Variants in UTRN observed in about 807,000 individuals in gnomAD.
The protein encoded by UTRN is utrophin.
In UTRN, 283 loss-of-function variants were observed where a neutral mutation model predicts 463.9. The observed-to-expected ratio is 0.61, with a 90% CI of 0.55 to 0.67. The LOEUF is 0.67. Ranked by LOEUF, UTRN falls within the 30% of genes least tolerant of loss-of-function variation. The pLI, the probability that UTRN is intolerant of heterozygous loss-of-function variation, is 0.00. For missense variants in UTRN, 3,922 were observed against 4,084.3 expected, an observed-to-expected ratio of 0.96 and a Z score of 1.08; for synonymous variants, 1,442 against 1,431.5, an observed-to-expected ratio of 1.01 and a Z score of -0.17.
chr6:144,646,195 GA>G (rs1778285520), intron 51 of UTRN, among the ~76,000 whole-genome samples: 1 of 152,006 alleles, frequency 6.6e-6, no homozygotes, highest in Non-Finnish European at 1.5e-5. Flanking sequence ...TATTCGGCTT[GA>G]AAAGTTATTG....
intron 58 of UTRN, among the ~76,000 whole-genome samples, chr6:144,770,924 C>T (rs1335160870): frequency 6.6e-6 from 1 of 152,048 alleles, no homozygotes; most frequent in Non-Finnish European, 1.5e-5. Flanking sequence ...GAAAGTTCGA[C>T]TCAAGGTAGA....
intron 37 of UTRN, 47 bp downstream of exon 37, chr6:144,514,867 T>C: frequency 1.3e-6 from 2 of 1,563,306 alleles, no homozygotes; most frequent in Non-Finnish European, 1.7e-6. Flanking sequence ...TATGGGTATG[T>C]ATCTAAATGA....
At chr6:144,661,896 T>A (rs996562528) in intron 51 of UTRN, among the ~76,000 whole-genome samples, 1 of 152,200 alleles carries the variant, frequency 6.6e-6, no homozygotes, top group Non-Finnish European at 1.5e-5. Flanking sequence ...TTAACTCCCA[T>A]GTCTTAGTAT....
chr6:144,497,788 A>G (rs1793803996), intron 33 of UTRN, among the ~76,000 whole-genome samples: 3 of 152,138 alleles, frequency 2.0e-5, no homozygotes, highest in South Asian at 4.1e-4. Flanking sequence ...GGGTACTCAC[A>G]TGATTATTCA....
intron 2 of UTRN, among the ~76,000 whole-genome samples, chr6:144,369,966 C>G (rs1468725585): frequency 6.6e-6 from 1 of 152,186 alleles, no homozygotes; most frequent in Non-Finnish European, 1.5e-5. Context: ...CATTAAACCT[C>G]TTTTTCTTTA....
Position 144,539,382 on chromosome 6 carries a change from G to A in UTRN, c.6458G>A (p.Ser2153Asn). Reference protein sequence around the residue: ...ELEMLSDKSLSLPERDKISES... With the variant: ...ELEMLSDKSLNLPERDKISES... ...GAGATGCTTTCAGATAAAAGTCTGA[G>A]TTTACCTGAAAGGGATAAAATTTCA... The change falls in exon 45 of 75, where the codon AGT becomes AAT. Residue 2153 changes from serine (S) to asparagine (N), a missense_variant. Coordinates refer to ENST00000367545, the MANE Select transcript of UTRN (RefSeq NM_007124.3). The A allele has an allele frequency of 1.2e-6, 2 of 1,613,392 alleles. No individual in the cohort carries two copies. Among genetic ancestry groups the A allele is most frequent in the Non-Finnish European group, 1.7e-6 (2 of 1,179,660 alleles).
At chr6:144,342,887 C>G (rs1777252857) in intron 2 of UTRN, among the ~76,000 whole-genome samples, 1 of 152,144 alleles carries the variant, frequency 6.6e-6, no homozygotes, top group East Asian at 1.9e-4. Context: ...ATCTGTATCA[C>G]TGTGCTTTTC....
chr6:144,650,358 G>C (rs1585781492), intron 51 of UTRN, among the ~76,000 whole-genome samples: 1 of 152,178 alleles, frequency 6.6e-6, no homozygotes, highest in Non-Finnish European at 1.5e-5. Flanking sequence ...AAAATATTAA[G>C]ATATTTTGAT....
chr6:144,587,939 A>C (rs938662080), intron 51 of UTRN, among the ~76,000 whole-genome samples: 2 of 152,112 alleles, frequency 1.3e-5, no homozygotes, highest in African/African-American at 4.8e-5. Context: ...AGTCTTGGTT[A>C]GATTAGTACA....
chr6:144,308,765 C>T (rs752828589), intron 2 of UTRN, among the ~76,000 whole-genome samples: 3 of 152,208 alleles, frequency 2.0e-5, no homozygotes, highest in Non-Finnish European at 2.9e-5. Context: ...TTCTGCATCC[C>T]TATGATTTCC....
At chr6:144,599,481 A>G (rs1485666800) in intron 51 of UTRN, among the ~76,000 whole-genome samples, 5 of 152,096 alleles carry the variant, frequency 3.3e-5, no homozygotes, top group Admixed American at 1.3e-4. Flanking sequence ...TTAAATCTCT[A>G]AGTTGATTTT....
Position 144,542,849 on chromosome 6 carries a change from G to A in UTRN, c.6574G>A (p.Val2192Ile). The change falls in exon 46 of 75, where the codon GTT (valine) becomes ATT (isoleucine). Residue 2192 changes from valine to isoleucine, a missense_variant. By Grantham distance (29) the Val-to-Ile change is conservative. Coordinates refer to ENST00000367545, the MANE Select transcript of UTRN (RefSeq NM_007124.3). The stretch of plus-strand genomic sequence containing the variant: ...GGAATGCATCCAGGAGCCCAGTTCT[G>A]TTTCACAGACAAGGATTGCTGGTAA... ...LKECIQEPSSVSQTRIAAHPN... is the reference protein window; with the variant it reads ...LKECIQEPSSISQTRIAAHPN... The A allele has an allele frequency of 6.2e-7, 1 of 1,613,424 alleles. No homozygotes were observed. The highest frequency in any genetic ancestry group is 8.5e-7 in the Non-Finnish European group (1 of 1,179,750).
At chr6:144,493,502 T>C in intron 33 of UTRN, 46 bp downstream of exon 33, 2 of 1,545,926 alleles carry the variant, frequency 1.3e-6, no homozygotes, top group Non-Finnish European at 1.8e-6. Context: ...TCTCTCTCTC[T>C]CTCTCTCAAT....
chr6:144,741,089 G>C (rs1790017134), intron 54 of UTRN, among the ~76,000 whole-genome samples: 1 of 152,176 alleles, frequency 6.6e-6, no homozygotes, highest in African/African-American at 2.4e-5. Flanking sequence ...TAGAAAACTG[G>C]AATCTTCCAA....
At chr6:144,348,984 A>G (rs909550703) in intron 2 of UTRN, among the ~76,000 whole-genome samples, 2 of 152,108 alleles carry the variant, frequency 1.3e-5, no homozygotes, top group Non-Finnish European at 2.9e-5. Flanking sequence ...GAAAATGAGA[A>G]ATGGGATTAA....
intron 33 of UTRN, among the ~76,000 whole-genome samples, chr6:144,498,650 A>G (rs1020507442): frequency 9.6e-4 from 145 of 150,644 alleles, no homozygotes; most frequent in African/African-American, 3.3e-3. Flanking sequence ...CGCTTAATAC[A>G]CATAACAATC....
chr6:144,760,085 T>C (rs1487092919), intron 58 of UTRN, among the ~76,000 whole-genome samples: 2 of 152,174 alleles, frequency 1.3e-5, no homozygotes, highest in Non-Finnish European at 2.9e-5. Context: ...AAGTCCATCC[T>C]TAATTTTAGC....
chr6:144,549,447 T>C lies in UTRN; in HGVS notation c.6810+593T>C, dbSNP rs983894930. Reference sequence around the variant, plus strand: ...TTATTAAGTGCTTCATGTGTGCTGGTCATTTTTCTAAGTATTGTACACGTT... The same window carrying C: ...TTATTAAGTGCTTCATGTGTGCTGGCCATTTTTCTAAGTATTGTACACGTT... On this transcript the variant is annotated intron_variant, in intron 47 of 74. Transcript: ENST00000367545. Among the ~76,000 whole-genome samples, 3 of 152,348 alleles carry C rather than the reference T, an allele frequency of 2.0e-5. No individual in the cohort carries two copies. The East Asian group carries it at 5.8e-4, about 29-fold the overall frequency.
chr6:144,314,999 G>C (rs961022075), intron 2 of UTRN, among the ~76,000 whole-genome samples: 1 of 151,882 alleles, frequency 6.6e-6, no homozygotes, highest in African/African-American at 2.4e-5. Context: ...AAGGAAACAG[G>C]TTTCATGAGC....
Sources: allele counts gnomAD v4.1 joint callset (sites outside exome capture counted in the v4.1 genomes callset), GRCh38; gene constraint gnomAD v4.1.1; transcripts MANE v1.5; gene names NCBI Gene and HGNC (gene_info 2026-07-23, HGNC 2026-07-21).